MRPS24: variants seen among roughly 807,000 people sequenced by gnomAD.
The protein encoded by MRPS24 is small ribosomal subunit protein uS3m.
MRPS24 carries 15 observed loss-of-function variants against 21.8 expected under a neutral mutation model. That is an observed-to-expected ratio of 0.69 (90% CI 0.46 to 1.06). The LOEUF (loss-of-function observed/expected upper bound fraction) is 1.06, where lower values mean the gene tolerates loss of function less well. MRPS24 is among the 50% of genes least tolerant of loss of function. MRPS24 has a pLI of 0.00. For missense variants in MRPS24, 224 were observed against 219.1 expected (o/e 1.02, Z -0.14); for synonymous variants, 93 against 93.7 (o/e 0.99, Z 0.04).
At position 43,869,180 on chromosome 7, in the gene MRPS24, G is replaced by T. The variant is rs892123503; in HGVS notation, c.109-106C>A. 25 of 1,479,602 alleles carry T rather than the reference G, an allele frequency of 1.7e-5. No homozygotes were observed. Among genetic ancestry groups the T allele is most frequent in the Admixed American group, 4.3e-5 (2 of 46,910 alleles). 91.7% of individuals were successfully genotyped at this position (1,479,602 alleles called of 1,614,324 possible). On this transcript the variant is annotated intron_variant, in intron 2 of 3. Transcript: ENST00000317534. This position sits in a 1 kb window ranked among gnomAD's most constrained non-coding sequence, Gnocchi z 4.8. ...CACTGTTCCCCGGCCCCAATCCCCT[G>T]ATCCCTAAGCCCCGACCCTAGCCCC...
In MRPS24 at chr7:43,869,155, C is replaced by T; in HGVS notation, c.109-81G>A. The T allele has an allele frequency of 6.6e-7, 1 of 1,509,178 alleles. No individual in the cohort carries two copies. The highest frequency in any genetic ancestry group is 8.8e-7 in the Non-Finnish European group (1 of 1,131,046). The allele number at this position is 1,509,178 out of a possible 1,614,324, so 93.5% of individuals were successfully genotyped here. On this transcript the variant is annotated intron_variant, in intron 2 of 3. Transcript: ENST00000317534. The surrounding 1 kb of genome is among the most constrained non-coding windows in gnomAD (Gnocchi z 4.8). ...GCGCCATGTCCCCCCAGTCAGCTGG[C>T]ACTGTTCCCCGGCCCCAATCCCCTG...
Position 43,869,248 on chromosome 7 carries a change from T to TCCCCGGCCCCCCGCCC in MRPS24, c.108+59_108+60insGGGCGGGGGGCCGGGG. 7 of 1,489,424 alleles carry TCCCCGGCCCCCCGCCC rather than the reference T, an allele frequency of 4.7e-6. No individual in the cohort carries two copies. Among genetic ancestry groups the TCCCCGGCCCCCCGCCC allele is most frequent in the Non-Finnish European group, 5.3e-6 (6 of 1,124,322 alleles). 92.3% of individuals were successfully genotyped at this position (1,489,424 alleles called of 1,614,324 possible). The stretch of plus-strand genomic sequence containing the variant: ...CACGCCCCCTTCAGCCCGCACGGCT[T>TCCCCGGCCCCCCGCCC]CCCCGGCCCCCGGCCCCCCGGCCCC... On this transcript the variant is annotated intron_variant, in intron 2 of 3. Transcript: ENST00000317534. The surrounding 1 kb of genome is among the most constrained non-coding windows in gnomAD (Gnocchi z 4.8).
In MRPS24 at chr7:43,866,957, G is replaced by A. The variant is rs769980579; in HGVS notation, c.246C>T (p.Ala82=). ...HTGNLDGEDH[A]AERTVEDVFL... ...AAACATCCTCCACCGTTCGCTCTGC[G>A]GCATGGTCCTCTCCATCCAGGTTAC... is the stretch of plus-strand genomic sequence containing the variant. The change falls in exon 4 of 4, where the codon GCC becomes GCT. Residue 82 remains alanine, a synonymous_variant. Transcript: ENST00000317534. The A allele has an allele frequency of 2.2e-5, 35 of 1,613,986 alleles. No individual in the cohort carries two copies. The Admixed American group carries it at 3.3e-4, about 15-fold the overall frequency.
At chr7:43,867,285 C>T (rs1158495399) in intron 3 of MRPS24, among the ~76,000 whole-genome samples, 1 of 152,176 alleles carries the variant, frequency 6.6e-6, no homozygotes. Flanking sequence ...TAGCCCCTTT[C>T]CTGCTTTCTT....
At chr7:43,868,935 T>A (rs1290498752) in intron 3 of MRPS24, 28 bp downstream of exon 3, 1 of 1,608,412 alleles carries the variant, frequency 6.2e-7, no homozygotes, top group Admixed American at 1.7e-5. Flanking sequence ...GATTGAGTGC[T>A]CCTTTTGGAG....
In MRPS24 at chr7:43,869,227, C is replaced by T. The variant is rs1182734821; in HGVS notation, c.108+81G>A. On this transcript the variant is annotated intron_variant, in intron 2 of 3. Coordinates refer to ENST00000317534, the MANE Select transcript of MRPS24 (RefSeq NM_032014.3). This position sits in a 1 kb window ranked among gnomAD's most constrained non-coding sequence, Gnocchi z 4.8. ...CCCCGCCTCGGACCCCAGCGACACG[C>T]CCCCTTCAGCCCGCACGGCTTCCCC... 22 of 1,473,676 alleles carry T rather than the reference C, an allele frequency of 1.5e-5. No individual in the cohort carries two copies. The East Asian group carries it at 3.0e-4, about 20-fold the overall frequency. 91.3% of individuals were successfully genotyped at this position (1,473,676 alleles called of 1,614,324 possible). A position where few individuals can be genotyped will look rare whatever the true frequency, so the allele number is the denominator to read the frequency against.
chr7:43,866,846 G>T lies in MRPS24; in HGVS notation c.357C>A (p.Ile119=), dbSNP rs1467285564. 3 of 1,614,234 alleles carry T rather than the reference G, an allele frequency of 1.9e-6. 1 individual carries two copies. The East Asian group carries it at 6.7e-5, about 36-fold the overall frequency. ...VLKRRGNQLE[I]CAVVLRQLSP... is the part of the protein sequence containing the mutation. Reference sequence around the variant, plus strand: ...ACAACTGCCTCAGGACCACGGCACAGATCTCCAACTGGTTACCCCGGCGCT... The same window carrying T: ...ACAACTGCCTCAGGACCACGGCACATATCTCCAACTGGTTACCCCGGCGCT... The change falls in exon 4 of 4, where the codon ATC becomes ATA. Residue 119 remains isoleucine (I), a synonymous_variant. Coordinates refer to ENST00000317534, the MANE Select transcript of MRPS24 (RefSeq NM_032014.3).
rs1404908723 is a variant in MRPS24 at position 43,869,438 on chromosome 7, G to A, written c.39+19C>T. Reference sequence around the variant, plus strand: ...CCCCACCTCCGACTCGCAGGGACCTGCCGAGTCGCCCCACTCACCCGTGGC... The same window carrying A: ...CCCCACCTCCGACTCGCAGGGACCTACCGAGTCGCCCCACTCACCCGTGGC... On this transcript the variant is annotated intron_variant, in intron 1 of 3. Transcript: ENST00000317534. The surrounding 1 kb of genome is among the most constrained non-coding windows in gnomAD (Gnocchi z 4.8). 8.3e-6 allele frequency: 13 copies of A among 1,557,418 alleles called. No homozygotes were observed. In the South Asian group the frequency reaches 1.4e-4, roughly 17 times the overall value.
At position 43,869,039 on chromosome 7, in the gene MRPS24, G is replaced by A. The variant is rs776308940; in HGVS notation, c.144C>T (p.Asp48=). Residue 48 remains aspartate (D), a synonymous_variant, in exon 3 of 4, where the codon GAC becomes GAT. Coordinates refer to ENST00000317534, the MANE Select transcript of MRPS24 (RefSeq NM_032014.3). The surrounding 1 kb of genome is among the most constrained non-coding windows in gnomAD (Gnocchi z 4.8). The stretch of plus-strand genomic sequence containing the variant: ...GTGCCTCCTCGTAGGTCACCGGCTT[G>A]TCCCCCTTGCTTACGCGTACTCGGG... The part of the protein sequence containing the change: ...RAARVRVSKG[D]KPVTYEEAHA... The A allele has an allele frequency of 1.2e-5, 19 of 1,613,304 alleles. No homozygotes were observed. The highest frequency in any genetic ancestry group is 1.5e-5 in the Non-Finnish European group (18 of 1,180,014).
Position 43,866,923 on chromosome 7 carries a change from T to C in MRPS24, c.280A>G (p.Lys94Glu), listed in dbSNP as rs780928244. The C allele has an allele frequency of 8.1e-6, 13 of 1,614,028 alleles. No individual in the cohort carries two copies. Among genetic ancestry groups the C allele is most frequent in the South Asian group, 1.1e-5 (1 of 91,080 alleles). The change falls in exon 4 of 4, where the codon AAG becomes GAG. Residue 94 changes from lysine (K) to glutamate (E), a missense_variant. Coordinates refer to ENST00000317534, the MANE Select transcript of MRPS24 (RefSeq NM_032014.3). ...CCTGGGAAGGTACCCCACATGAACT[T>C]GCGAAGGAAAACATCCTCCACCGTT... ...ERTVEDVFLR[K>E]FMWGTFPGCL... is the part of the protein sequence containing the mutation.
intron 3 of MRPS24, chr7:43,867,887 A>G (rs1416620266): frequency 3.3e-5 from 5 of 152,188 alleles, no homozygotes; most frequent in African/African-American, 7.2e-5. Flanking sequence ...GAACCCCTGT[A>G]CTAAACAAAG....
rs2095839168 is a variant in MRPS24 at position 43,869,446 on chromosome 7, GC to G, written c.39+10del. On this transcript the variant is annotated intron_variant, in intron 1 of 3. Transcript: ENST00000317534. The surrounding 1 kb of genome is among the most constrained non-coding windows in gnomAD (Gnocchi z 4.8). ...CCGACTCGCAGGGACCTGCCGAGTC[GC>G]CCCACTCACCCGTGGCCCCAGCAAC... The G allele has an allele frequency of 1.3e-6, 2 of 1,560,246 alleles. No individual in the cohort carries two copies. The highest frequency in any genetic ancestry group is 1.7e-6 in the Non-Finnish European group (2 of 1,153,060).
In MRPS24 at chr7:43,866,940, T is replaced by C; in HGVS notation, c.263A>G (p.Glu88Gly). 6.2e-7 allele frequency: 1 copy of C among 1,614,108 alleles called. No homozygotes were observed. Among genetic ancestry groups the C allele is most frequent in the Non-Finnish European group, 8.5e-7 (1 of 1,180,006 alleles). Reference protein sequence around the residue: ...GEDHAAERTVEDVFLRKFMWG... With the variant: ...GEDHAAERTVGDVFLRKFMWG... The stretch of plus-strand genomic sequence containing the variant: ...CATGAACTTGCGAAGGAAAACATCC[T>C]CCACCGTTCGCTCTGCGGCATGGTC... Residue 88 changes from glutamate (E) to glycine (G), a missense_variant, in exon 4 of 4, where the codon GAG becomes GGG. Coordinates refer to ENST00000317534, the MANE Select transcript of MRPS24 (RefSeq NM_032014.3).
chr7:43,867,162 C>T (rs1468541335), intron 3 of MRPS24, among the ~76,000 whole-genome samples, 180 bp from the exon 4 acceptor site: 1 of 152,212 alleles, frequency 6.6e-6, no homozygotes, highest in African/African-American at 2.4e-5. Flanking sequence ...TATGTTATGT[C>T]ATTAATTCCC....
rs1483683869 is a variant in MRPS24 at position 43,869,268 on chromosome 7, G to T, written c.108+40C>A. 4.4e-6 allele frequency: 4 copies of T among 902,554 alleles called. No homozygotes were observed. Among genetic ancestry groups the T allele is most frequent in the Admixed American group, 3.6e-5 (1 of 27,476 alleles). 55.9% of individuals were successfully genotyped at this position (902,554 alleles called of 1,614,324 possible). ...CGGCTTCCCCGGCCCCCGGCCCCCC[G>T]GCCCCCAGGCCCCCAGGCCCCTGCC... On this transcript the variant is annotated intron_variant, in intron 2 of 3. Transcript: ENST00000317534. This position sits in a 1 kb window ranked among gnomAD's most constrained non-coding sequence, Gnocchi z 4.8.
At chr7:43,868,248 ATTTT>A (rs1485589467) in intron 3 of MRPS24, 6 of 152,214 alleles carry the variant, frequency 3.9e-5, no homozygotes, top group Non-Finnish European at 5.9e-5. Context: ...TTGCAAGGCC[ATTTT>A]AAACAGCAAA....
At chr7:43,867,013 A>G in intron 3 of MRPS24, 31 bp from the exon 4 acceptor site, 1 of 1,605,888 alleles carries the variant, frequency 6.2e-7, no homozygotes, top group Non-Finnish European at 8.5e-7. Flanking sequence ...TAGAAGAATC[A>G]GCCTCATTGC....
At chr7:43,867,180 T>C (rs1381553102) in intron 3 of MRPS24, among the ~76,000 whole-genome samples, 198 bp from the exon 4 acceptor site, 1 of 152,244 alleles carries the variant, frequency 6.6e-6, no homozygotes, top group Non-Finnish European at 1.5e-5. Flanking sequence ...CCCAAGCCAA[T>C]TCAGTTTAGT....
chr7:43,869,352 G>A lies in MRPS24; in HGVS notation c.64C>T (p.Pro22Ser). ...GTGTGCAGGGCGCGCCAAGCGCAAGGCAGCTCTCGGCTCCAGGACAGCACC... is the reference window on the plus strand; with the variant it reads ...GTGTGCAGGGCGCGCCAAGCGCAAGACAGCTCTCGGCTCCAGGACAGCACC... ...PRVLSWSREL[P>S]CAWRALHTSP... is the part of the protein sequence containing the mutation. Residue 22 changes from proline (P) to serine (S), a missense_variant, in exon 2 of 4, where the codon CCT becomes TCT. By Grantham distance (74) the Pro-to-Ser change is moderately conservative (BLOSUM62 -1). Transcript: ENST00000317534. The surrounding 1 kb of genome is among the most constrained non-coding windows in gnomAD (Gnocchi z 4.8). 6.5e-7 allele frequency: 1 copy of A among 1,549,222 alleles called. No individual in the cohort carries two copies. The highest frequency in any genetic ancestry group is 2.4e-5 in the East Asian group (1 of 40,900).
Sources: gnomAD v4.1 joint callset for allele counts (sites outside exome capture counted in the v4.1 genomes callset) on GRCh38, gnomAD v4.1.1 for gene constraint, Gnocchi (gnomAD v3.1) non-coding constraint, MANE v1.5 for transcripts, NCBI Gene and HGNC (gene_info 2026-07-23, HGNC 2026-07-21) for gene names.